The following NFKBIZ variants were observed in gnomAD, a reference collection of about 807,000 sequenced individuals.
The protein encoded by NFKBIZ is NFKB inhibitor zeta.
A neutral mutation model predicts 76.8 loss-of-function variants in NFKBIZ; 19 were observed. The ratio of observed to expected loss-of-function variants is 0.25; its 90% CI spans 0.17 to 0.36. The LOEUF is 0.36. Ranked by LOEUF, NFKBIZ falls within the 10% of genes least tolerant of loss-of-function variation. The pLI is 1.00. For synonymous variants in NFKBIZ, 368 were observed against 354.8 expected (o/e 1.04, Z -0.42); for missense variants, 829 against 910.9 (o/e 0.91, Z 1.16).
chr3:101,852,052 A>C, intron 1 of NFKBIZ, 33 bp from the exon 2 acceptor site: 1 of 1,602,310 alleles, frequency 6.2e-7, no homozygotes, highest in Non-Finnish European at 8.5e-7. Context: ...GAAGATATTT[A>C]ACCAGGAATA....
chr3:101,847,322 G>C (rs925509988), upstream of NFKBIZ, among the ~76,000 whole-genome samples: 2 of 152,178 alleles, frequency 1.3e-5, no homozygotes, highest in African/African-American at 2.4e-5. Context: ...GAAGTCTTGT[G>C]TTTTCCACAG....
At chr3:101,832,289 A>G (rs1160377921) in intron 2 of NFKBIZ, among the ~76,000 whole-genome samples, 1 of 152,090 alleles carries the variant, frequency 6.6e-6, no homozygotes, top group East Asian at 1.9e-4. Flanking sequence ...TACTTTAAAT[A>G]TATATTTTTA....
rs769386137 is a variant in NFKBIZ, at chr3:101,853,066, C to A, written c.565-25C>A. The A allele has an allele frequency of 1.9e-6, 3 of 1,611,604 alleles. No individual in the cohort carries two copies. In the South Asian group the frequency reaches 3.3e-5, roughly 18 times the overall value. ...ATAATTTTAGAAGGAAGTGAGTGTG[C>A]AAGTTGCATTTTCCTTCTTTCCAGA... On this transcript the variant is annotated intron_variant, in intron 4 of 11. Transcript: ENST00000326172.
chr3:101,850,020 G>A lies in NFKBIZ; in HGVS notation c.289+103G>A, dbSNP rs561824277. 169 of 1,136,220 alleles carry A rather than the reference G, an allele frequency of 1.5e-4. 1 individual carries two copies. The highest frequency in any genetic ancestry group is 1.3e-3 in the Middle Eastern group (4 of 3,138). The allele number at this position is 1,136,220 out of a possible 1,614,324, so 70.4% of individuals were successfully genotyped here. A position where few individuals can be genotyped will look rare whatever the true frequency, so the allele number is the denominator to read the frequency against. Reference sequence around the variant, plus strand: ...GGGTGGCCCCTGCGCCCTCCTTAGAGCTAGGACGTACGCACCTTAGCCATC... The same window carrying A: ...GGGTGGCCCCTGCGCCCTCCTTAGAACTAGGACGTACGCACCTTAGCCATC... On this transcript the variant is annotated intron_variant, in intron 1 of 11. Transcript: ENST00000326172.
At chr3:101,858,699 A>G (rs1234282901) in intron 11 of NFKBIZ, among the ~76,000 whole-genome samples, 1 of 152,194 alleles carries the variant, frequency 6.6e-6, no homozygotes, top group Non-Finnish European at 1.5e-5. Context: ...CCTTTCATCT[A>G]AATTGTTGCT....
rs555555250 is a variant in NFKBIZ, at chr3:101,834,731, T to C, written c.-12+5043T>C. ...GTGTGAAATCTCTAAACAGTTCCCC[T>C]CTTTCCATGCCCAGGAGCACCACTT... is the stretch of plus-strand genomic sequence containing the variant. On this transcript the variant is annotated intron_variant, in intron 2 of 12. Coordinates refer to the NFKBIZ transcript ENST00000394054. 5.9e-5 allele frequency among the ~76,000 whole-genome samples: 9 copies of C among 152,344 alleles called. No homozygotes were observed. The East Asian group carries it at 1.7e-3, about 29-fold the overall frequency.
Position 101,853,526 on chromosome 3 carries a change from T to C in NFKBIZ, c.1000T>C (p.Phe334Leu), listed in dbSNP as rs757025168. The change falls in exon 5 of 12, where the codon TTT (phenylalanine) becomes CTT (leucine). Residue 334 changes from phenylalanine to leucine, a missense_variant. This residue lies in a region of NFKBIZ where 371 missense variants were observed against 332.3 expected (regional missense o/e 1.12). Transcript: ENST00000326172. The stretch of plus-strand genomic sequence containing the variant: ...CCTCTTTGATGGTCCAGAATCACAG[T>C]TTTGCCCAAACCAAAGCTTAGTTTC... ...PNLFDGPESQ[F>L]CPNQSLVSLL... is the part of the protein sequence containing the mutation. The C allele has an allele frequency of 6.2e-7, 1 of 1,614,050 alleles. No individual in the cohort carries two copies. Among genetic ancestry groups the C allele is most frequent in the African/African-American group, 1.3e-5 (1 of 74,918 alleles).
chr3:101,832,961 A>T (rs1210805580), intron 2 of NFKBIZ, among the ~76,000 whole-genome samples: 1 of 152,252 alleles, frequency 6.6e-6, no homozygotes, highest in Non-Finnish European at 1.5e-5. Context: ...TGCGTACACC[A>T]TGAATATGTG....
chr3:101,848,517 G>A (rs1471590584), upstream of NFKBIZ, among the ~76,000 whole-genome samples: 2 of 152,096 alleles, frequency 1.3e-5, no homozygotes, highest in Admixed American at 6.5e-5. Context: ...TGTATCCCTC[G>A]TGTTATTTAA....
chr3:101,850,052 C>G (rs1942926481), intron 1 of NFKBIZ, 135 bp downstream of exon 1: 2 of 899,534 alleles, frequency 2.2e-6, no homozygotes, highest in Middle Eastern at 3.8e-4. Context: ...CATCAATTAC[C>G]ACTCCCCGCC....
chr3:101,854,167 T>C (rs1470644920), intron 5 of NFKBIZ, among the ~76,000 whole-genome samples: 1 of 152,218 alleles, frequency 6.6e-6, no homozygotes, highest in African/African-American at 2.4e-5. Context: ...AACAGTTAGA[T>C]CATGATTAGG....
Position 101,857,398 on chromosome 3 carries a change from C to T in NFKBIZ, c.2042C>T (p.Thr681Ile). 1.2e-6 allele frequency: 2 copies of T among 1,614,210 alleles called. No homozygotes were observed. Among genetic ancestry groups the T allele is most frequent in the Non-Finnish European group, 1.7e-6 (2 of 1,180,042 alleles). ...ATGAGGAAGGGAGCAGACCCAAGTA[C>T]TCGGAACTTGGAGAACGAACAGCCA... ...LLMRKGADPSTRNLENEQPVH... is the reference protein window; with the variant it reads ...LLMRKGADPSIRNLENEQPVH... Residue 681 changes from threonine to isoleucine, a missense_variant, in exon 11 of 12, where the codon ACT becomes ATT. Thr to Ile is a moderately conservative substitution (Grantham distance 89). Coordinates refer to ENST00000326172, the MANE Select transcript of NFKBIZ (RefSeq NM_031419.4).
At chr3:101,832,967 A>G (rs751935803) in intron 2 of NFKBIZ, among the ~76,000 whole-genome samples, 3 of 152,268 alleles carry the variant, frequency 2.0e-5, no homozygotes, top group Non-Finnish European at 4.4e-5. Context: ...CACCATGAAT[A>G]TGTGATAGAA....
chr3:101,840,553 C>G (rs949719107), intron 2 of NFKBIZ, among the ~76,000 whole-genome samples: 2 of 152,116 alleles, frequency 1.3e-5, no homozygotes, highest in African/African-American at 4.8e-5. Flanking sequence ...AAGAACTTTT[C>G]ATTTCTTTAG....
upstream of NFKBIZ, chr3:101,849,427 G>A (rs1463018453): frequency 1.3e-5 from 5 of 383,256 alleles, no homozygotes; most frequent in African/African-American, 2.1e-5. Context: ...GAGGCGGCCC[G>A]GGCACCGCCA....
intron 2 of NFKBIZ, among the ~76,000 whole-genome samples, chr3:101,837,065 A>C (rs1560082943): frequency 6.6e-6 from 1 of 152,198 alleles, no homozygotes; most frequent in Non-Finnish European, 1.5e-5. Context: ...ATATGAACAT[A>C]AGAAATCTGT....
chr3:101,852,815 T>TTA lies in NFKBIZ; in HGVS notation c.460+47_460+48insTA, dbSNP rs776403618. 12 of 1,602,370 alleles carry TTA rather than the reference T, an allele frequency of 7.5e-6. No individual in the cohort carries two copies. In the Admixed American group the frequency reaches 1.9e-4, roughly 25 times the overall value. On this transcript the variant is annotated intron_variant, in intron 3 of 11. Coordinates refer to ENST00000326172, the MANE Select transcript of NFKBIZ (RefSeq NM_031419.4). ...AATTTTTTCAGGGCTTTGGAGTAAA[T>TTA]AATAGAGTGTAATTATGGGTAACAT...
chr3:101,858,326 T>G (rs1254191712), intron 11 of NFKBIZ: 2 of 967,070 alleles, frequency 2.1e-6, no homozygotes, highest in South Asian at 4.8e-5. Flanking sequence ...GTAAAAAGTT[T>G]TCATGTATAT....
At chr3:101,857,000 G>A in intron 9 of NFKBIZ, 73 bp from the exon 10 acceptor site, 2 of 1,064,938 alleles carry the variant, frequency 1.9e-6, no homozygotes, top group Non-Finnish European at 2.8e-6. Flanking sequence ...CAGGAGACTG[G>A]GTGAAAAGTG....
Sources: allele counts gnomAD v4.1 joint callset (sites outside exome capture counted in the v4.1 genomes callset), GRCh38; gene constraint gnomAD v4.1.1; regional missense constraint gnomAD v4.1.1; transcripts MANE v1.5; gene names NCBI Gene and HGNC (gene_info 2026-07-23, HGNC 2026-07-21).